The following XPO6 variants were observed in gnomAD, a reference collection of about 807,000 sequenced individuals.
The protein encoded by XPO6 is exportin 6.
Under a neutral mutation model 130.0 loss-of-function variants are expected in XPO6, and 3 were observed. The observed-to-expected ratio is 0.02, with a 90% confidence interval of 0.01 to 0.06. The LOEUF (loss-of-function observed/expected upper bound fraction) is 0.06, where lower values mean the gene tolerates loss of function less well. XPO6 is among the 10% of genes least tolerant of loss of function. The pLI is 1.00. For missense variants in XPO6, 970 were observed against 1,393.0 expected, an observed-to-expected ratio of 0.70 and a Z score of 4.83; for synonymous variants, 524 against 548.9, an observed-to-expected ratio of 0.95 and a Z score of 0.63.
At chr16:28,140,451 G>A (rs943196048) in intron 9 of XPO6, among the ~76,000 whole-genome samples, 4 of 151,912 alleles carry the variant, frequency 2.6e-5, no homozygotes, top group East Asian at 1.9e-4. Flanking sequence ...AGGCCAAGGC[G>A]GGCGGATCAC....
At chr16:28,191,019 G>T (rs11640420) in intron 1 of XPO6, among the ~76,000 whole-genome samples, 13,507 of 152,256 alleles carry the variant, frequency 0.089, 791 homozygotes, top group Middle Eastern at 0.14. Context: ...GAAATAAACA[G>T]TTTTTAAAAT....
Position 28,098,458 on chromosome 16 carries a change from T to G in XPO6, c.*80A>C. On this transcript the variant is annotated 3_prime_UTR_variant, in exon 24 of 24. Coordinates refer to ENST00000304658, the MANE Select transcript of XPO6 (RefSeq NM_015171.4). ...AGCCAAGGAGTGTGACCAAGGCCCA[T>G]CTGGGAGACATCTGTGGTGGAAGGT... 1 of 1,292,014 alleles carries G rather than the reference T, an allele frequency of 7.7e-7. No homozygotes were observed. The highest frequency in any genetic ancestry group is 1.1e-6 in the Non-Finnish European group (1 of 915,984). The allele number at this position is 1,292,014 out of a possible 1,614,324, so 80.0% of individuals were successfully genotyped here.
intron 2 of XPO6, 57 bp downstream of exon 2, chr16:28,180,884 T>G: frequency 1.4e-6 from 2 of 1,431,778 alleles, no homozygotes; most frequent in South Asian, 1.2e-5. Context: ...AACTCCTTCC[T>G]CCCTACCAGG....
rs905580296 is a variant in XPO6 at position 28,122,644 on chromosome 16, A to T, written c.1767-882T>A. Among the ~76,000 whole-genome samples the T allele has an allele frequency of 2.3e-4, 35 of 149,054 alleles. 1 individual carries two copies. The highest frequency in any genetic ancestry group is 6.1e-4 in the Admixed American group (9 of 14,872). The stretch of plus-strand genomic sequence containing the variant: ...TGTTTGTTTTGTTTTGTTTTGTTTT[A>T]AAAAAAAAACTGCTCTTTTGGCAGT... On this transcript the variant is annotated intron_variant, in intron 13 of 23. Transcript: ENST00000304658.
intron 13 of XPO6, among the ~76,000 whole-genome samples, chr16:28,123,663 G>C (rs1199659060): frequency 6.6e-6 from 1 of 152,136 alleles, no homozygotes; most frequent in African/African-American, 2.4e-5. Flanking sequence ...AAGAACTAAG[G>C]TTCCCAAAGT....
In XPO6 at chr16:28,156,385, C is replaced by A. The variant is rs769111816; in HGVS notation, c.786G>T (p.Leu262=). Residue 262 remains leucine, a synonymous_variant, in exon 7 of 24, where the codon CTG becomes CTT. Coordinates refer to ENST00000304658, the MANE Select transcript of XPO6 (RefSeq NM_015171.4). Reference sequence around the variant, plus strand: ...GGAGGGATGGGGTGATGCTGGCAGACAGAGGAATCCAACTGAAGAGATGGG... The same window carrying A: ...GGAGGGATGGGGTGATGCTGGCAGAAAGAGGAATCCAACTGAAGAGATGGG... ...CLAHLFSWIP[L]SASITPSLLT... The A allele has an allele frequency of 1.2e-6, 2 of 1,614,000 alleles. No individual in the cohort carries two copies. Among genetic ancestry groups the A allele is most frequent in the East Asian group, 4.5e-5 (2 of 44,868 alleles).
At chr16:28,140,096 G>A (rs904631834) in intron 9 of XPO6, among the ~76,000 whole-genome samples, 1 of 152,012 alleles carries the variant, frequency 6.6e-6, no homozygotes, top group Non-Finnish European at 1.5e-5. Context: ...GCCAGGCGTG[G>A]TGGCGGGCAC....
At chr16:28,159,957 G>C (rs1002345240) in intron 6 of XPO6, among the ~76,000 whole-genome samples, 3 of 151,956 alleles carry the variant, frequency 2.0e-5, no homozygotes, top group African/African-American at 7.3e-5. Context: ...AGGCCAAGGC[G>C]GGCAAATCAC....
Position 28,143,927 on chromosome 16 carries a change from A to G in XPO6, c.1334+2167T>C, listed in dbSNP as rs111475954. 3.2e-3 allele frequency among the ~76,000 whole-genome samples: 486 copies of G among 152,082 alleles called. 5 individuals are homozygous for G. Among genetic ancestry groups the G allele is most frequent in the African/African-American group, 0.011 (472 of 41,452 alleles). On this transcript the variant is annotated intron_variant, in intron 9 of 23. Transcript: ENST00000304658. ...TGGGATTACAGGCAGGAGCCACCGC[A>G]CTCGGCCTTGTACTGTTTTTTAAAA...
intron 17 of XPO6, among the ~76,000 whole-genome samples, chr16:28,108,811 G>C (rs528806535): frequency 1.3e-5 from 2 of 152,364 alleles, no homozygotes; most frequent in Admixed American, 6.5e-5. Flanking sequence ...ACATGCTCAG[G>C]AGGCAGATGG....
chr16:28,188,384 C>T (rs1354018051), intron 1 of XPO6, among the ~76,000 whole-genome samples: 2 of 152,094 alleles, frequency 1.3e-5, no homozygotes, highest in Non-Finnish European at 2.9e-5. Context: ...CAAACCTCAA[C>T]AAAATGAGGA....
chr16:28,154,233 A>G lies in XPO6; in HGVS notation c.1098-1448T>C, dbSNP rs181977253. The G allele has an allele frequency of 3.5e-4, 334 of 964,432 alleles. 4 individuals carry two copies. The African/African-American group carries it at 5.6e-3, about 16-fold the overall frequency. The allele number at this position is 964,432 out of a possible 1,614,324, so 59.7% of individuals were successfully genotyped here. On this transcript the variant is annotated intron_variant, in intron 7 of 23. Coordinates refer to ENST00000304658, the MANE Select transcript of XPO6 (RefSeq NM_015171.4). ...AGCTGACTGTTCTTTAGGAAGGTGC[A>G]CTCAATTCCCTACTACCCATTTAAA...
intron 14 of XPO6, among the ~76,000 whole-genome samples, chr16:28,121,143 G>T (rs938297106): frequency 6.6e-6 from 1 of 152,240 alleles, no homozygotes; most frequent in African/African-American, 2.4e-5. Context: ...GTCTCTAGAT[G>T]TCCTGCTTCA....
At chr16:28,170,037 A>G in intron 4 of XPO6, 128 bp from the exon 5 acceptor site, 1 of 1,277,504 alleles carries the variant, frequency 7.8e-7, no homozygotes, top group Non-Finnish European at 1.1e-6. Context: ...AACACTTCAG[A>G]AACATCACTT....
Position 28,149,264 on chromosome 16 carries a change from A to AAGCAAAGC in XPO6, c.1225-3069_1225-3062dup, listed in dbSNP as rs1682598394. ...TTTATAGACAGCCAGGAGGCTCAGC[A>AAGCAAAGC]AGCAAAGCAAGGCAGGAGGCAGCAG... On this transcript the variant is annotated intron_variant, in intron 8 of 23. Coordinates refer to ENST00000304658, the MANE Select transcript of XPO6 (RefSeq NM_015171.4). Among the ~76,000 whole-genome samples the AAGCAAAGC allele has an allele frequency of 4.6e-5, 7 of 152,162 alleles. No homozygotes were observed. The South Asian group carries it at 1.4e-3, about 31-fold the overall frequency.
intron 1 of XPO6, among the ~76,000 whole-genome samples, chr16:28,194,314 A>C (rs2043826859): frequency 6.6e-6 from 1 of 152,214 alleles, no homozygotes; most frequent in African/African-American, 2.4e-5. Context: ...ATGCCTTTTC[A>C]CTTTCATTTT....
chr16:28,169,119 G>A (rs1230292642), intron 5 of XPO6, among the ~76,000 whole-genome samples: 4 of 152,178 alleles, frequency 2.6e-5, no homozygotes, highest in African/African-American at 7.2e-5. Flanking sequence ...TCACGGCCAG[G>A]CATTGCATAC....
chr16:28,166,311 G>A (rs1303971682), intron 6 of XPO6, among the ~76,000 whole-genome samples, 197 bp downstream of exon 6: 2 of 152,042 alleles, frequency 1.3e-5, no homozygotes, highest in Non-Finnish European at 2.9e-5. Context: ...AAACAACCTA[G>A]GACTATTTTT....
chr16:28,211,563 C>G lies in XPO6; in HGVS notation c.-195G>C, dbSNP rs1291339478. On this transcript the variant is annotated 5_prime_UTR_variant, in exon 1 of 24. Transcript: ENST00000304658. Reference sequence around the variant, plus strand: ...CCCGGGTCGCCTCATCGGGGGACCCCGAGACAATTCATCCAGACCCACCCG... The same window carrying G: ...CCCGGGTCGCCTCATCGGGGGACCCGGAGACAATTCATCCAGACCCACCCG... 6.5e-6 allele frequency: 3 copies of G among 460,190 alleles called. No individual in the cohort carries two copies. The highest frequency in any genetic ancestry group is 2.0e-5 in the African/African-American group (1 of 49,524). The allele number at this position is 460,190 out of a possible 1,614,324, so 28.5% of individuals were successfully genotyped here.
Sources: gnomAD v4.1 joint callset for allele counts (sites outside exome capture counted in the v4.1 genomes callset) on GRCh38, gnomAD v4.1.1 for gene constraint, MANE v1.5 for transcripts, NCBI Gene and HGNC (gene_info 2026-07-23, HGNC 2026-07-21) for gene names.